The following IDUA variants were observed in gnomAD, a reference collection of about 807,000 sequenced individuals.
IDUA encodes alpha-L-iduronidase.
Under a neutral mutation model 68.9 loss-of-function variants are expected in IDUA, and 65 were observed. That is an observed-to-expected ratio of 0.94 (90% confidence interval 0.77 to 1.16). The LOEUF (loss-of-function observed/expected upper bound fraction) is 1.16, where lower values mean the gene tolerates loss of function less well. Among genes scored for constraint, IDUA ranks in the 50% most tolerant of loss-of-function variants. The probability of loss-of-function intolerance (pLI) is 0.00; values close to 1 mark genes in which losing one functional copy is unlikely to be tolerated. For missense variants in IDUA, 1,046 were observed against 938.0 expected, an observed-to-expected ratio of 1.12 and a Z score of -1.50; for synonymous variants, 529 against 433.6, an observed-to-expected ratio of 1.22 and a Z score of -2.73.
At chr4:999,444 C>T (rs1259280427) in intron 2 of IDUA, among the ~76,000 whole-genome samples, 1 of 152,186 alleles carries the variant, frequency 6.6e-6, no homozygotes, top group Non-Finnish European at 1.5e-5. Context: ...CTGGCGATGC[C>T]ATCTGCTGCC....
At chr4:1,002,567 C>T in intron 8 of IDUA, 82 bp downstream of exon 8, 2 of 1,298,144 alleles carry the variant, frequency 1.5e-6, no homozygotes, top group Non-Finnish European at 2.0e-6. Context: ...CTGCGGGGAG[C>T]GCACTTCCTC....
intron 2 of IDUA, chr4:990,014 C>A: frequency 6.3e-7 from 1 of 1,580,384 alleles, no homozygotes; most frequent in Non-Finnish European, 8.6e-7. Flanking sequence ...TGGAGCTGCC[C>A]GAAGTGCGAC....
Position 1,002,072 on chromosome 4 carries a change from A to C in IDUA, c.883A>C (p.Ile295Leu). The C allele has an allele frequency of 6.3e-7, 1 of 1,590,610 alleles. No individual in the cohort carries two copies. The highest frequency in any genetic ancestry group is 8.5e-7 in the Non-Finnish European group (1 of 1,170,138). Reference sequence around the variant, plus strand: ...CTTCCCCAAGTTCGCGGACACCCCCATTTACAACGACGAGGCGGACCCGCT... The same window carrying C: ...CTTCCCCAAGTTCGCGGACACCCCCCTTTACAACGACGAGGCGGACCCGCT... ...QLFPKFADTP[I>L]YNDEADPLVG... The change falls in exon 7 of 14, where the codon ATT becomes CTT. Residue 295 changes from isoleucine to leucine, a missense_variant. Coordinates refer to ENST00000514224, the MANE Select transcript of IDUA (RefSeq NM_000203.5).
Position 1,004,290 on chromosome 4 carries a change from T to A in IDUA, c.1859T>A (p.Val620Asp). ...DTGAVSGSYR[V>D]RALDYWARPG... ...GGTGCTGTCTCTGGCTCCTACCGAG[T>A]TCGAGCCCTGGACTACTGGGCCCGA... is the stretch of plus-strand genomic sequence containing the variant. Residue 620 changes from valine to aspartate, a missense_variant, in exon 14 of 14, where the codon GTT (valine) becomes GAT (aspartate). Transcript: ENST00000514224. The surrounding 1 kb of genome is among the most constrained non-coding windows in gnomAD (Gnocchi z 5.0). The A allele has an allele frequency of 6.2e-7, 1 of 1,610,864 alleles. No homozygotes were observed. Among genetic ancestry groups the A allele is most frequent in the Non-Finnish European group, 8.5e-7 (1 of 1,179,940 alleles).
intron 2 of IDUA, chr4:991,370 A>T: frequency 6.2e-7 from 1 of 1,612,850 alleles, no homozygotes; most frequent in Non-Finnish European, 8.5e-7. Context: ...ATGAGGAAGT[A>T]GATGAGGTTG....
At position 991,573 on chromosome 4, in the gene IDUA, A is replaced by G. The variant is rs990505881; in HGVS notation, c.299+3624A>G. ...GTCCTGCACCAGCGCCCGGACGCAC[A>G]GCACACTGCACGAGCAGCTGCACCA... On this transcript the variant is annotated intron_variant, in intron 2 of 13. Coordinates refer to ENST00000514224, the MANE Select transcript of IDUA (RefSeq NM_000203.5). 14 of 1,602,064 alleles carry G rather than the reference A, an allele frequency of 8.7e-6. No homozygotes were observed. Among genetic ancestry groups the G allele is most frequent in the Non-Finnish European group, 1.1e-5 (13 of 1,177,546 alleles).
At position 991,289 on chromosome 4, in the gene IDUA, G is replaced by A. The variant is rs552862956; in HGVS notation, c.299+3340G>A. On this transcript the variant is annotated intron_variant, in intron 2 of 13. Coordinates refer to ENST00000514224, the MANE Select transcript of IDUA (RefSeq NM_000203.5). ...TCAAAGCCGGCCAGCTGGAGCTCCC[G>A]GTCCACCACCTGCCCCACCATGAGG... 2.9e-5 allele frequency: 46 copies of A among 1,612,558 alleles called. No homozygotes were observed. The highest frequency in any genetic ancestry group is 1.1e-4 in the East Asian group (5 of 44,884).
chr4:991,705 C>T, intron 2 of IDUA: 1 of 1,536,680 alleles, frequency 6.5e-7, no homozygotes, highest in Non-Finnish European at 8.7e-7. Context: ...CTCGTCCATC[C>T]TGTTGCGTCA....
Position 987,892 on chromosome 4 carries a change from C to T in IDUA, c.242C>T (p.Pro81Leu). 1 of 1,609,940 alleles carries T rather than the reference C, an allele frequency of 6.2e-7. No homozygotes were observed. ...AACCTCGCCTATGTGGGCGCCGTCC[C>T]TCACCGCGGCATCAAGCAGGTCCGG... ...QLNLAYVGAV[P>L]HRGIKQVRTH... The change falls in exon 2 of 14, where the codon CCT (proline) becomes CTT (leucine). Residue 81 changes from proline to leucine, a missense_variant. Transcript: ENST00000514224.
chr4:994,823 G>A (rs929569024), intron 2 of IDUA, among the ~76,000 whole-genome samples: 4 of 152,044 alleles, frequency 2.6e-5, no homozygotes, highest in South Asian at 2.1e-4. Flanking sequence ...CTACTCAAGC[G>A]GCTCAGGTGG....
intron 2 of IDUA, chr4:991,466 C>A: frequency 1.2e-6 from 2 of 1,612,480 alleles, no homozygotes; most frequent in Non-Finnish European, 1.7e-6. Context: ...AGGATGATGC[C>A]GATGACCAGC....
rs1221953069 is a variant in IDUA, at chr4:1,003,580, A to G, written c.1682A>G (p.Gln561Arg). Residue 561 changes from glutamine (Q) to arginine (R), a missense_variant, in exon 12 of 14, where the codon CAA becomes CGA. Coordinates refer to ENST00000514224, the MANE Select transcript of IDUA (RefSeq NM_000203.5). ...CGGCTCCGCGCCCTGCCCCTGACCC[A>G]AGGGCAGCTGGTTCTGGTCTGGTCG... Reference protein sequence around the residue: ...VTRLRALPLTQGQLVLVWSDE... With the variant: ...VTRLRALPLTRGQLVLVWSDE... The G allele has an allele frequency of 6.2e-7, 1 of 1,611,932 alleles. No homozygotes were observed. The highest frequency in any genetic ancestry group is 2.2e-5 in the East Asian group (1 of 44,824).
Position 1,000,950 on chromosome 4 carries a change from T to A in IDUA, c.454T>A (p.Trp152Arg), listed in dbSNP as rs1199061728. 1 of 1,613,288 alleles carries A rather than the reference T, an allele frequency of 6.2e-7. No individual in the cohort carries two copies. Among genetic ancestry groups the A allele is most frequent in the Admixed American group, 1.7e-5 (1 of 60,024 alleles). Residue 152 changes from tryptophan (W) to arginine (R), a missense_variant, in exon 4 of 14, where the codon TGG (tryptophan) becomes AGG (arginine). Transcript: ENST00000514224. The stretch of plus-strand genomic sequence containing the variant: ...TGAGGACAAGCAGCAGGTGTTTGAG[T>A]GGAAGGACTTGGTCTCCAGCCTGGC... The part of the protein sequence containing the change: ...DFEDKQQVFE[W>R]KDLVSSLARR...
In IDUA at chr4:990,962, G is replaced by T. The variant is rs531190436; in HGVS notation, c.299+3013G>T. On this transcript the variant is annotated intron_variant, in intron 2 of 13. Transcript: ENST00000514224. Reference sequence around the variant, plus strand: ...CACAGCCTCTCCGCGTCGGTGCCTCGCCCTGGGATGCCCCGGCACGCCCCA... The same window carrying T: ...CACAGCCTCTCCGCGTCGGTGCCTCTCCCTGGGATGCCCCGGCACGCCCCA... 3 of 675,674 alleles carry T rather than the reference G, an allele frequency of 4.4e-6. No homozygotes were observed. In the Admixed American group the frequency reaches 1.0e-4, roughly 23 times the overall value. The allele number at this position is 675,674 out of a possible 1,614,324, so 41.9% of individuals were successfully genotyped here.
intron 2 of IDUA, chr4:990,506 C>T: frequency 1.3e-6 from 1 of 783,150 alleles, no homozygotes. Context: ...CCAAACCAGA[C>T]TCCTCACACG....
chr4:994,442 A>G (rs1714609421), intron 2 of IDUA, among the ~76,000 whole-genome samples: 1 of 142,646 alleles, frequency 7.0e-6, no homozygotes, highest in Non-Finnish European at 1.5e-5. Flanking sequence ...CGCCCGGCTA[A>G]TTTTTTTTTT....
intron 2 of IDUA, chr4:991,904 G>A (rs1714381434): frequency 1.7e-6 from 2 of 1,143,488 alleles, no homozygotes; most frequent in Non-Finnish European, 2.5e-6. Flanking sequence ...GGTATGGATG[G>A]ACGCTGGGCC....
chr4:988,425 C>T (rs951548931), intron 2 of IDUA: 2 of 1,065,882 alleles, frequency 1.9e-6, no homozygotes, highest in East Asian at 7.6e-5. Flanking sequence ...GAGCCGCTGG[C>T]TCCTACCAGC....
In IDUA at chr4:1,004,473, C is replaced by T. The variant is rs1007045938; in HGVS notation, c.*80C>T. 3 of 1,357,880 alleles carry T rather than the reference C, an allele frequency of 2.2e-6. No individual in the cohort carries two copies. Among genetic ancestry groups the T allele is most frequent in the African/African-American group, 1.4e-5 (1 of 69,102 alleles). 84.1% of individuals were successfully genotyped at this position (1,357,880 alleles called of 1,614,324 possible). On this transcript the variant is annotated 3_prime_UTR_variant, in exon 14 of 14. Transcript: ENST00000514224. This position sits in a 1 kb window ranked among gnomAD's most constrained non-coding sequence, Gnocchi z 5.0. ...CTGCACTGTGCCCATGCTGCCCTCC[C>T]ATCACCCCCTTTGCAATATATTTTT... is the stretch of plus-strand genomic sequence containing the variant.
Sources: gnomAD v4.1 joint callset for allele counts (sites outside exome capture counted in the v4.1 genomes callset) on GRCh38, gnomAD v4.1.1 for gene constraint, Gnocchi (gnomAD v3.1) non-coding constraint, MANE v1.5 for transcripts, NCBI Gene and HGNC (gene_info 2026-07-23, HGNC 2026-07-21) for gene names.